GTF3C1: variants seen among roughly 807,000 people sequenced by gnomAD.
GTF3C1 encodes general transcription factor IIIC subunit 1, also known as general transcription factor 3C polypeptide 1.
GTF3C1 carries 57 observed loss-of-function variants against 226.7 expected under a neutral mutation model. That is an observed-to-expected ratio of 0.25 (90% CI 0.20 to 0.31). The LOEUF (loss-of-function observed/expected upper bound fraction) is 0.31, where lower values mean the gene tolerates loss of function less well. Among genes scored for constraint, GTF3C1 ranks in the 10% least tolerant of loss-of-function variants. GTF3C1 has a pLI of 1.00. For synonymous variants in GTF3C1, 1,090 were observed against 1,084.8 expected (o/e 1.00, Z -0.09); for missense variants, 2,217 against 2,776.1 (o/e 0.80, Z 4.53).
At chr16:27,517,140 T>G (rs2141420243) in intron 6 of GTF3C1, among the ~76,000 whole-genome samples, 3 of 152,152 alleles carry the variant, frequency 2.0e-5, no homozygotes, top group Middle Eastern at 6.8e-3. Context: ...GGGAGAACGG[T>G]AAGAGATTAG....
At chr16:27,518,074 C>T (rs533807142) in intron 6 of GTF3C1, among the ~76,000 whole-genome samples, 2 of 152,170 alleles carry the variant, frequency 1.3e-5, no homozygotes, top group Non-Finnish European at 2.9e-5. Flanking sequence ...TGGGAACAAA[C>T]GAACCCCACG....
rs573558159 is a variant in GTF3C1 at position 27,504,409 on chromosome 16, T to C, written c.1771-1414A>G. Among the ~76,000 whole-genome samples, 65 of 152,230 alleles carry C rather than the reference T, an allele frequency of 4.3e-4. 2 individuals carry two copies. In the South Asian group the frequency reaches 0.013, roughly 31 times the overall value. On this transcript the variant is annotated intron_variant, in intron 10 of 36. Coordinates refer to ENST00000356183, the MANE Select transcript of GTF3C1 (RefSeq NM_001520.4). Reference sequence around the variant, plus strand: ...AGAAACAATGCCAATCCTGACTCCATAGAGAGTTGTGGCATCCAATAAATA... The same window carrying C: ...AGAAACAATGCCAATCCTGACTCCACAGAGAGTTGTGGCATCCAATAAATA...
chr16:27,466,732 A>C (rs557209719), intron 32 of GTF3C1, among the ~76,000 whole-genome samples: 34 of 152,362 alleles, frequency 2.2e-4, no homozygotes, highest in South Asian at 1.0e-3. Flanking sequence ...AGGAAATTAA[A>C]AGTGCTACTC....
intron 32 of GTF3C1, chr16:27,465,918 ATGTACCCAC>A: frequency 3.8e-6 from 1 of 265,938 alleles, no homozygotes; most frequent in Non-Finnish European, 7.4e-6. Context: ...CCTGCTGCTC[ATGTACCCAC>A]TGTTCCTTAG....
chr16:27,464,426 C>T lies in GTF3C1; in HGVS notation c.5766G>A (p.Ala1922=), dbSNP rs761074536. ...PPPALEDTAA[A]GAAQEDQEGV... is the part of the protein sequence containing the mutation. ...CCTCTTGGTCTTCCTGTGCTGCTCC[C>T]GCTGCAGCGGTGTCTTCAAGAGCTG... Residue 1922 remains alanine (A), a synonymous_variant, in exon 34 of 37, where the codon GCG becomes GCA. Transcript: ENST00000356183. 43 of 1,603,432 alleles carry T rather than the reference C, an allele frequency of 2.7e-5. 1 individual carries two copies. The South Asian group carries it at 2.9e-4, about 11-fold the overall frequency.
At chr16:27,517,436 C>T (rs1027833722) in intron 6 of GTF3C1, among the ~76,000 whole-genome samples, 2 of 152,214 alleles carry the variant, frequency 1.3e-5, no homozygotes, top group African/African-American at 4.8e-5. Context: ...TAAGCTGCCA[C>T]CTCAGTGACC....
In GTF3C1 at chr16:27,465,583, C is replaced by G. The variant is rs752049176; in HGVS notation, c.5075-43G>C. The G allele has an allele frequency of 6.6e-6, 10 of 1,504,076 alleles. No homozygotes were observed. In the Admixed American group the frequency reaches 1.9e-4, roughly 28 times the overall value. 93.2% of individuals were successfully genotyped at this position (1,504,076 alleles called of 1,614,324 possible). A position where few individuals can be genotyped will look rare whatever the true frequency, so the allele number is the denominator to read the frequency against. ...AAGATCAGAGGCAGCCCGACAGAGGCCCCCCTCCCCTGACCAATGCACAGG... is the reference window on the plus strand; with the variant it reads ...AAGATCAGAGGCAGCCCGACAGAGGGCCCCCTCCCCTGACCAATGCACAGG... On this transcript the variant is annotated intron_variant, in intron 32 of 36. Transcript: ENST00000356183.
In GTF3C1 at chr16:27,476,497, G is replaced by C; in HGVS notation, c.4307C>G (p.Thr1436Arg). ...FLVLQNLIQS[T>R]LALSDSQMKS... Reference sequence around the variant, plus strand: ...CATCTGACTGTCTGAGAGGGCCAGCGTGCTCTGGATCAGGTTCTGAAGCAC... The same window carrying C: ...CATCTGACTGTCTGAGAGGGCCAGCCTGCTCTGGATCAGGTTCTGAAGCAC... Residue 1436 changes from threonine (T) to arginine (R), a missense_variant, in exon 29 of 37, where the codon ACG (threonine) becomes AGG (arginine). This residue lies in a region of GTF3C1 where 546 missense variants were observed against 663.0 expected (regional missense o/e 0.82). Transcript: ENST00000356183. 1 of 1,613,400 alleles carries C rather than the reference G, an allele frequency of 6.2e-7. No individual in the cohort carries two copies. Among genetic ancestry groups the C allele is most frequent in the African/African-American group, 1.3e-5 (1 of 75,016 alleles).
rs915097072 is a variant in GTF3C1 at position 27,507,624 on chromosome 16, G to A, written c.1243-468C>T. 1.3e-5 allele frequency among the ~76,000 whole-genome samples: 2 copies of A among 152,236 alleles called. No individual in the cohort carries two copies. The highest frequency in any genetic ancestry group is 4.8e-5 in the African/African-American group (2 of 41,466). On this transcript the variant is annotated intron_variant, in intron 8 of 36. Transcript: ENST00000356183. The surrounding 1 kb of genome is among the most constrained non-coding windows in gnomAD (Gnocchi z 4.9). The stretch of plus-strand genomic sequence containing the variant: ...CATTTTAACGTCTAGAACAGGGCAA[G>A]GGGCTCTTCCCAGGGCCTTTGATAG...
intron 27 of GTF3C1, 159 bp downstream of exon 27, chr16:27,480,920 C>T: frequency 1.6e-6 from 1 of 625,264 alleles, no homozygotes; most frequent in South Asian, 1.9e-5. Context: ...ATTCTGTGTT[C>T]AAGTCACCCA....
rs1009885139 is a variant in GTF3C1 at position 27,470,622 on chromosome 16, T to C, written c.4527-227A>G. The stretch of plus-strand genomic sequence containing the variant: ...TGAGTACCTTCCGGGCAGAGTCCTG[T>C]CTCCTCATCTAATTCAATGTGGCCT... On this transcript the variant is annotated intron_variant, in intron 30 of 36. Coordinates refer to ENST00000356183, the MANE Select transcript of GTF3C1 (RefSeq NM_001520.4). The surrounding 1 kb of genome is among the most constrained non-coding windows in gnomAD (Gnocchi z 4.9). 9.3e-6 allele frequency: 5 copies of C among 539,560 alleles called. No individual in the cohort carries two copies. In the Admixed American group the frequency reaches 9.7e-5, roughly 10 times the overall value. 33.4% of individuals were successfully genotyped at this position (539,560 alleles called of 1,614,324 possible). A position where few individuals can be genotyped will look rare whatever the true frequency, so the allele number is the denominator to read the frequency against.
chr16:27,475,626 A>G (rs1001768920), intron 29 of GTF3C1, among the ~76,000 whole-genome samples: 4 of 152,076 alleles, frequency 2.6e-5, no homozygotes, highest in African/African-American at 9.7e-5. Context: ...CCACATTTGT[A>G]TAAGAGTAGT....
At chr16:27,524,604 G>A (rs536703227) in intron 6 of GTF3C1, among the ~76,000 whole-genome samples, 27 of 152,322 alleles carry the variant, frequency 1.8e-4, no homozygotes, top group African/African-American at 6.5e-4. Context: ...GGTGTGAGGT[G>A]TTAGTTTCAA....
In GTF3C1 at chr16:27,541,844, CACACGAACACA is replaced by C. The variant is rs934471098; in HGVS notation, c.431+3459_431+3469del. ...GACCCAATCAGGAGGGCAGGGAGCA[CACACGAACACA>C]ACACGAACACAAACTCACGGTGTGT... On this transcript the variant is annotated intron_variant, in intron 2 of 36. Transcript: ENST00000356183. Among the ~76,000 whole-genome samples the C allele has an allele frequency of 9.9e-5, 15 of 152,260 alleles. No individual in the cohort carries two copies. In the East Asian group the frequency reaches 1.7e-3, roughly 18 times the overall value.
At chr16:27,537,575 A>T (rs1219252611) in intron 4 of GTF3C1, among the ~76,000 whole-genome samples, 1 of 151,928 alleles carries the variant, frequency 6.6e-6, no homozygotes, top group Non-Finnish European at 1.5e-5. Flanking sequence ...ACGCCCAGCT[A>T]ATTTTTTATT....
intron 6 of GTF3C1, among the ~76,000 whole-genome samples, 173 bp downstream of exon 6, chr16:27,528,425 G>A (rs2088865286): frequency 6.6e-6 from 1 of 152,176 alleles, no homozygotes. Context: ...ACATTTTCTA[G>A]GCACTTTTTA....
chr16:27,491,374 C>T (rs1236091083), intron 19 of GTF3C1, among the ~76,000 whole-genome samples: 1 of 152,188 alleles, frequency 6.6e-6, no homozygotes, highest in Non-Finnish European at 1.5e-5. Context: ...GGGAGGCTCT[C>T]TTGCCTTCCG....
chr16:27,519,733 A>G (rs1322358240), intron 6 of GTF3C1, among the ~76,000 whole-genome samples: 1 of 152,206 alleles, frequency 6.6e-6, no homozygotes, highest in African/African-American at 2.4e-5. Context: ...AAAAAGAGAG[A>G]GAGACAGAAG....
intron 2 of GTF3C1, among the ~76,000 whole-genome samples, chr16:27,542,493 G>A (rs2089099038): frequency 6.6e-6 from 1 of 152,026 alleles, no homozygotes; most frequent in African/African-American, 2.4e-5. Context: ...CCTGGGAGGT[G>A]GAGGTTGCAG....
Sources: allele counts gnomAD v4.1 joint callset (sites outside exome capture counted in the v4.1 genomes callset), GRCh38; gene constraint gnomAD v4.1.1; regional missense constraint gnomAD v4.1.1; non-coding constraint Gnocchi (gnomAD v3.1); transcripts MANE v1.5; gene names NCBI Gene and HGNC (gene_info 2026-07-23, HGNC 2026-07-21).